The following MAN1A2 variants were observed in gnomAD, a reference collection of about 807,000 sequenced individuals.
MAN1A2 encodes mannosyl-oligosaccharide 1,2-alpha-mannosidase IB.
Under a neutral mutation model 75.7 loss-of-function variants are expected in MAN1A2, and 26 were observed. The ratio of observed to expected loss-of-function variants is 0.34; its 90% CI spans 0.25 to 0.48. MAN1A2 has a LOEUF of 0.48. MAN1A2 is among the 20% of genes least tolerant of loss of function. MAN1A2 has a pLI of 0.99. For missense variants in MAN1A2, 562 were observed against 775.5 expected (o/e 0.72, Z 3.27); for synonymous variants, 247 against 264.6 (o/e 0.93, Z 0.65).
chr1:117,477,961 A>C (rs1178188359), intron 8 of MAN1A2, among the ~76,000 whole-genome samples: 3 of 152,104 alleles, frequency 2.0e-5, no homozygotes, highest in African/African-American at 7.2e-5. Context: ...CAATGTGCAA[A>C]AATCACAAGC....
chr1:117,466,372 T>C lies in MAN1A2; in HGVS notation c.1113T>C (p.Arg371=). 1 of 1,612,276 alleles carries C rather than the reference T, an allele frequency of 6.2e-7. No individual in the cohort carries two copies. The highest frequency in any genetic ancestry group is 8.5e-7 in the Non-Finnish European group (1 of 1,179,020). ...GGAAACTACTTCAGAAAATGGATCG[T>C]CCAAATGGTCTTTATCCAAATTATT... ...HIRKLLQKMD[R]PNGLYPNYLN... Residue 371 remains arginine (R), a synonymous_variant, in exon 8 of 13, where the codon CGT becomes CGC. Transcript: ENST00000356554.
intron 8 of MAN1A2, among the ~76,000 whole-genome samples, chr1:117,472,118 C>T (rs1331436051): frequency 6.6e-6 from 1 of 151,800 alleles, no homozygotes; most frequent in African/African-American, 2.4e-5. Flanking sequence ...TAAGTCTTGT[C>T]AGTTCTGACT....
At chr1:117,492,416 AT>A (rs1650909992) in intron 8 of MAN1A2, among the ~76,000 whole-genome samples, 1 of 152,106 alleles carries the variant, frequency 6.6e-6, no homozygotes, top group African/African-American at 2.4e-5. Context: ...TAAAATTAAG[AT>A]TTGAACATTG....
At chr1:117,477,321 A>G (rs998115875) in intron 8 of MAN1A2, among the ~76,000 whole-genome samples, 1 of 152,164 alleles carries the variant, frequency 6.6e-6, no homozygotes, top group African/African-American at 2.4e-5. Context: ...AAAACCTGGC[A>G]GAGACACAAC....
At chr1:117,468,117 C>T (rs895038669) in intron 8 of MAN1A2, among the ~76,000 whole-genome samples, 7 of 152,114 alleles carry the variant, frequency 4.6e-5, no homozygotes, top group Non-Finnish European at 7.4e-5. Context: ...AATTGACTCA[C>T]AGTTCCACAG....
intron 6 of MAN1A2, among the ~76,000 whole-genome samples, chr1:117,452,056 C>T (rs1420117961): frequency 2.0e-5 from 3 of 151,858 alleles, no homozygotes; most frequent in Non-Finnish European, 4.4e-5. Context: ...CCTGTAATCC[C>T]AGCACTTTGG....
At chr1:117,504,107 A>T (rs1651280179) in intron 12 of MAN1A2, among the ~76,000 whole-genome samples, 1 of 151,494 alleles carries the variant, frequency 6.6e-6, no homozygotes, top group Admixed American at 6.6e-5. Flanking sequence ...CTACATCTAG[A>T]TGTTTCTTAT....
intron 12 of MAN1A2, among the ~76,000 whole-genome samples, chr1:117,518,267 A>G (rs900551700): frequency 1.3e-5 from 2 of 152,070 alleles, no homozygotes; most frequent in Admixed American, 6.6e-5. Flanking sequence ...TACTTTGGCA[A>G]TGAATACTGG....
rs568144251 is a variant in MAN1A2 at position 117,382,645 on chromosome 1, G to A, written c.302+14160G>A. Among the ~76,000 whole-genome samples the A allele has an allele frequency of 4.2e-3, 643 of 152,276 alleles. 1 individual carries two copies. The highest frequency in any genetic ancestry group is 6.8e-3 in the Middle Eastern group (2 of 294). On this transcript the variant is annotated intron_variant, in intron 1 of 12. Transcript: ENST00000356554. ...CCGCCAGCTTTGTTCTTTTGGCTTAGGATTGACTTGGCGATGCGGGCTCTT... is the reference window on the plus strand; with the variant it reads ...CCGCCAGCTTTGTTCTTTTGGCTTAAGATTGACTTGGCGATGCGGGCTCTT...
Position 117,452,263 on chromosome 1 carries a change from C to T in MAN1A2, c.951-8226C>T, listed in dbSNP as rs149037740. On this transcript the variant is annotated intron_variant, in intron 6 of 12. Coordinates refer to ENST00000356554, the MANE Select transcript of MAN1A2 (RefSeq NM_006699.5). ...CGGAGGTTGCAGTGAGCTAAGATTG[C>T]GCCACTGCACGCCAGCCTGGGTGAC... is the stretch of plus-strand genomic sequence containing the variant. 2.9e-3 allele frequency among the ~76,000 whole-genome samples: 429 copies of T among 148,294 alleles called. 5 individuals carry two copies. Among genetic ancestry groups the T allele is most frequent in the African/African-American group, 9.5e-3 (380 of 40,034 alleles).
chr1:117,387,312 A>G (rs1254970597), intron 1 of MAN1A2, among the ~76,000 whole-genome samples: 1 of 151,736 alleles, frequency 6.6e-6, no homozygotes, highest in Non-Finnish European at 1.5e-5. Flanking sequence ...AAAATGGTGT[A>G]GCTGCTGTAG....
chr1:117,475,790 G>A (rs950832153), intron 8 of MAN1A2, among the ~76,000 whole-genome samples: 3 of 152,108 alleles, frequency 2.0e-5, no homozygotes, highest in Non-Finnish European at 4.4e-5. Context: ...TTGGTTCCAA[G>A]TCTTTGCTAT....
At chr1:117,445,884 G>GTATATA (rs59011673) in intron 6 of MAN1A2, among the ~76,000 whole-genome samples, 3 of 138,768 alleles carry the variant, frequency 2.2e-5, no homozygotes, top group African/African-American at 7.7e-5. Flanking sequence ...CTGTGTGTGT[G>GTATATA]TATATATATA....
intron 1 of MAN1A2, among the ~76,000 whole-genome samples, chr1:117,384,155 C>G (rs1324878008): frequency 6.6e-6 from 1 of 151,982 alleles, no homozygotes; most frequent in Admixed American, 6.6e-5. Flanking sequence ...ATGTTTTTGT[C>G]TGTTGTGCAG....
chr1:117,369,285 C>T (rs1161402069), intron 1 of MAN1A2, among the ~76,000 whole-genome samples: 1 of 152,132 alleles, frequency 6.6e-6, no homozygotes, highest in African/African-American at 2.4e-5. Flanking sequence ...AGAGCATAGC[C>T]AAACTAGGAT....
At chr1:117,483,900 A>G (rs1650581035) in intron 8 of MAN1A2, among the ~76,000 whole-genome samples, 1 of 152,004 alleles carries the variant, frequency 6.6e-6, no homozygotes, top group African/African-American at 2.4e-5. Context: ...TTATTTTGAG[A>G]TGCGTTCCAT....
chr1:117,439,896 A>G (rs548350315), intron 5 of MAN1A2, among the ~76,000 whole-genome samples: 3 of 152,334 alleles, frequency 2.0e-5, no homozygotes, highest in Non-Finnish European at 4.4e-5. Flanking sequence ...TAAAGCATAT[A>G]TGGAGGGCAA....
At chr1:117,515,681 A>T (rs1022035085) in intron 12 of MAN1A2, 1 of 152,724 alleles carries the variant, frequency 6.5e-6, no homozygotes, top group Admixed American at 6.6e-5. Context: ...AGCATGGATG[A>T]CCCTTGAGGA....
chr1:117,526,880 C>CTCTCTCTATATATATATATATATA lies in MAN1A2; in HGVS notation c.*3924_*3925insCTCTCTATATATATATATATATAT. On this transcript the variant is annotated 3_prime_UTR_variant, in exon 13 of 13. Coordinates refer to ENST00000356554, the MANE Select transcript of MAN1A2 (RefSeq NM_006699.5). Reference sequence around the variant, plus strand: ...TCTCTCTCTCTCTCTCTCTCTCTCTCTATATATATATATATATATATATAT... The same window carrying CTCTCTCTATATATATATATATATA: ...TCTCTCTCTCTCTCTCTCTCTCTCTCTCTCTCTATATATATATATATATATATATATATATATATATATATATAT... 7.3e-5 allele frequency: 4 copies of CTCTCTCTATATATATATATATATA among 54,508 alleles called. No individual in the cohort carries two copies. Among genetic ancestry groups the CTCTCTCTATATATATATATATATA allele is most frequent in the South Asian group, 6.4e-4 (1 of 1,566 alleles). 3.4% of individuals were successfully genotyped at this position (54,508 alleles called of 1,614,324 possible).
Sources: allele counts gnomAD v4.1 joint callset (sites outside exome capture counted in the v4.1 genomes callset), GRCh38; gene constraint gnomAD v4.1.1; transcripts MANE v1.5; gene names NCBI Gene and HGNC (gene_info 2026-07-23, HGNC 2026-07-21).